The following CHD1 variants were observed in gnomAD, a reference collection of about 807,000 sequenced individuals.
CHD1 encodes ATP-dependent chromatin remodeler CHD1.
Under a neutral mutation model 224.2 loss-of-function variants are expected in CHD1, and 36 were observed. That is an observed-to-expected ratio of 0.16 (90% CI 0.12 to 0.21). The LOEUF (loss-of-function observed/expected upper bound fraction) is 0.21. Ranked by LOEUF, CHD1 falls within the 10% of genes least tolerant of loss-of-function variation. The pLI is 1.00. For missense variants in CHD1, 1,378 were observed against 1,994.8 expected (o/e 0.69, Z 5.89); for synonymous variants, 668 against 658.3 (o/e 1.01, Z -0.23).
chr5:98,872,277 C>G, intron 27 of CHD1, 76 bp from the exon 28 acceptor site: 5 of 1,493,120 alleles, frequency 3.3e-6, no homozygotes, highest in Non-Finnish European at 4.6e-6. Flanking sequence ...AAACGTGAGT[C>G]ATTAGAACTT....
rs1355999889 is a variant in CHD1 at position 98,873,574 on chromosome 5, A to G, written c.3571+19T>C. 2.6e-6 allele frequency: 4 copies of G among 1,541,748 alleles called. No homozygotes were observed. The East Asian group carries it at 9.5e-5, about 37-fold the overall frequency. On this transcript the variant is annotated intron_variant, in intron 26 of 35. Coordinates refer to ENST00000614616, the MANE Select transcript of CHD1 (RefSeq NM_001270.4). Reference sequence around the variant, plus strand: ...CTTTCATTTACTTCTCTTTTAAATCACTCTCAGTTTAATGTTACCTGTTCG... The same window carrying G: ...CTTTCATTTACTTCTCTTTTAAATCGCTCTCAGTTTAATGTTACCTGTTCG...
rs763499924 is a variant in CHD1 at position 98,856,600 on chromosome 5, C to T, written c.4913G>A (p.Arg1638Gln). Residue 1638 changes from arginine to glutamine, a missense_variant, in exon 36 of 36, where the codon CGG (arginine) becomes CAG (glutamine). Around this residue, in one of 16 missense-constraint regions of CHD1, gnomAD observed 278 missense variants for 298.5 expected, o/e 0.93. Coordinates refer to ENST00000614616, the MANE Select transcript of CHD1 (RefSeq NM_001270.4). ...ACTTGACCGGTGGTCTGAATGTAAC[C>T]GATGATCTGAGTGAGAACGATGATC... ...HSDHRSHSDH[R>Q]LHSDHRSSSE... 37 of 1,613,354 alleles carry T rather than the reference C, an allele frequency of 2.3e-5. No individual in the cohort carries two copies. In the Middle Eastern group the frequency reaches 4.9e-4, roughly 22 times the overall value.
intron 7 of CHD1, 136 bp from the exon 8 acceptor site, chr5:98,899,841 G>C: frequency 1.7e-6 from 1 of 584,028 alleles, no homozygotes; most frequent in Non-Finnish European, 3.0e-6. Flanking sequence ...GAAACTTATG[G>C]GAAATTCTAT....
rs1561525390 is a variant in CHD1 at position 98,898,718 on chromosome 5, G to A, written c.1132C>T (p.Gln378Ter). 6.3e-7 allele frequency: 1 copy of A among 1,599,498 alleles called. No homozygotes were observed. Among genetic ancestry groups the A allele is most frequent in the Non-Finnish European group, 8.6e-7 (1 of 1,168,110 alleles). The change falls in exon 9 of 36, where the codon CAA becomes TAA. Residue 378 changes from glutamine (Q) to a stop codon, truncating the protein, a stop_gained. Coordinates refer to ENST00000614616, the MANE Select transcript of CHD1 (RefSeq NM_001270.4). LOFTEE classifies it high-confidence loss of function. Reference sequence around the variant, plus strand: ...TTATGTAGATCATCTGTAAGTTCTTGCTGGCAATTATAATATTCCACATCT... The same window carrying A: ...TTATGTAGATCATCTGTAAGTTCTTACTGGCAATTATAATATTCCACATCT... ...PEDVEYYNCQQELTDDLHKQY... is the reference protein window; with the variant it reads ...PEDVEYYNCQ
At chr5:98,905,239 G>A (rs1300089310) in intron 2 of CHD1, 141 bp from the exon 3 acceptor site, 9 of 958,144 alleles carry the variant, frequency 9.4e-6, no homozygotes, top group Non-Finnish European at 1.4e-5. Context: ...AAAGAAAAAG[G>A]AATTGATTTA....
chr5:98,916,545 CAAAAAAAAA>C (rs33988135), intron 2 of CHD1, among the ~76,000 whole-genome samples: 1 of 40,420 alleles, frequency 2.5e-5, no homozygotes, highest in South Asian at 1.4e-3. Context: ...AACTCCGTCT[CAAAAAAAAA>C]AAAAAAAAAA....
At chr5:98,873,337 G>A (rs913793401) in intron 26 of CHD1, among the ~76,000 whole-genome samples, 3 of 152,064 alleles carry the variant, frequency 2.0e-5, no homozygotes, top group African/African-American at 7.2e-5. Context: ...ATGTACATAT[G>A]TGTGTGTATA....
chr5:98,892,240 A>T (rs905462420), intron 15 of CHD1, among the ~76,000 whole-genome samples: 2 of 152,182 alleles, frequency 1.3e-5, no homozygotes, highest in Non-Finnish European at 2.9e-5. Flanking sequence ...TTATTGTGGA[A>T]ATCCTAACAC....
At chr5:98,915,705 T>C (rs553743223) in intron 2 of CHD1, among the ~76,000 whole-genome samples, 3 of 152,140 alleles carry the variant, frequency 2.0e-5, no homozygotes, top group Non-Finnish European at 4.4e-5. Context: ...AGAAATTATG[T>C]TTCCAAAAAA....
At chr5:98,913,342 CAT>C (rs1320248585) in intron 2 of CHD1, among the ~76,000 whole-genome samples, 1 of 152,090 alleles carries the variant, frequency 6.6e-6, no homozygotes, top group Non-Finnish European at 1.5e-5. Context: ...GGGGAGGTGG[CAT>C]ATGCCTTCAG....
intron 35 of CHD1, among the ~76,000 whole-genome samples, chr5:98,856,986 A>G (rs916662809): frequency 2.0e-5 from 3 of 152,134 alleles, no homozygotes; most frequent in Non-Finnish European, 4.4e-5. Context: ...ATTTTAGATA[A>G]TTAGCTGCTT....
intron 31 of CHD1, among the ~76,000 whole-genome samples, chr5:98,865,197 G>A (rs991956830): frequency 6.6e-6 from 1 of 152,134 alleles, no homozygotes; most frequent in Non-Finnish European, 1.5e-5. Flanking sequence ...AAACATGAAA[G>A]TCCTAAAACT....
intron 19 of CHD1, among the ~76,000 whole-genome samples, chr5:98,882,727 T>C (rs1398515233): frequency 2.6e-5 from 4 of 152,152 alleles, no homozygotes; most frequent in Non-Finnish European, 5.9e-5. Context: ...TGTAAGCACA[T>C]GGACAAAATA....
Position 98,928,535 on chromosome 5 carries a change from T to C in CHD1, c.-149+4A>G, listed in dbSNP as rs1053798277. ...CCTGACCCGCCCGCCGCCCCCTTTC[T>C]TACCGGCGGGCTTGGCGGGGCGGAG... On this transcript the variant is annotated splice_donor_region_variant and intron_variant, in intron 1 of 35. Transcript: ENST00000614616. The C allele has an allele frequency of 2.6e-5, 4 of 151,804 alleles. No homozygotes were observed. Among genetic ancestry groups the C allele is most frequent in the African/African-American group, 7.3e-5 (3 of 41,308 alleles). 9.4% of individuals were successfully genotyped at this position (151,804 alleles called of 1,614,324 possible). A position where few individuals can be genotyped will look rare whatever the true frequency, so the allele number is the denominator to read the frequency against.
chr5:98,904,677 T>C (rs561869436), intron 3 of CHD1, among the ~76,000 whole-genome samples: 2 of 152,362 alleles, frequency 1.3e-5, no homozygotes, highest in South Asian at 4.1e-4. Flanking sequence ...TTTGCCTGTG[T>C]GTAATTTACA....
chr5:98,865,565 C>T (rs1226253106), intron 31 of CHD1, among the ~76,000 whole-genome samples: 3 of 152,104 alleles, frequency 2.0e-5, no homozygotes, highest in Non-Finnish European at 4.4e-5. Context: ...TCTGTCAAAC[C>T]CAGCTCTAAC....
intron 1 of CHD1, among the ~76,000 whole-genome samples, chr5:98,927,447 T>C (rs1753545982): frequency 6.6e-6 from 1 of 151,968 alleles, no homozygotes; most frequent in Non-Finnish European, 1.5e-5. Context: ...CAAAGAGAAT[T>C]CACTCCTACG....
chr5:98,856,256 A>C lies in CHD1; in HGVS notation c.*124T>G. ...TAATAGACCTTGCATCCTGGAAAGA[A>C]GTAACAATACTGCTACTGATAGAAG... is the stretch of plus-strand genomic sequence containing the variant. On this transcript the variant is annotated 3_prime_UTR_variant, in exon 36 of 36. Coordinates refer to ENST00000614616, the MANE Select transcript of CHD1 (RefSeq NM_001270.4). The C allele has an allele frequency of 6.0e-6, 4 of 670,674 alleles. No individual in the cohort carries two copies. In the South Asian group the frequency reaches 7.9e-5, roughly 13 times the overall value. The allele number at this position is 670,674 out of a possible 1,614,324, so 41.5% of individuals were successfully genotyped here. A position where few individuals can be genotyped will look rare whatever the true frequency, so the allele number is the denominator to read the frequency against.
intron 13 of CHD1, among the ~76,000 whole-genome samples, chr5:98,894,379 T>C (rs1474933913): frequency 6.6e-6 from 1 of 152,156 alleles, no homozygotes; most frequent in Non-Finnish European, 1.5e-5. Context: ...TGCAGATAAA[T>C]ATATGGTCTC....
Sources: allele counts gnomAD v4.1 joint callset (sites outside exome capture counted in the v4.1 genomes callset), GRCh38; gene constraint gnomAD v4.1.1; regional missense constraint gnomAD v4.1.1; transcripts MANE v1.5; gene names NCBI Gene and HGNC (gene_info 2026-07-23, HGNC 2026-07-21).